The following ETFDH variants were observed in gnomAD, a reference collection of about 807,000 sequenced individuals.
ETFDH encodes the protein electron transfer flavoprotein dehydrogenase, also known as electron transfer flavoprotein-ubiquinone oxidoreductase, mitochondrial.
A neutral mutation model predicts 73.2 loss-of-function variants in ETFDH; 61 were observed. That is an observed-to-expected ratio of 0.83 (90% CI 0.68 to 1.03). The LOEUF (loss-of-function observed/expected upper bound fraction) is 1.03, where lower values mean the gene tolerates loss of function less well. Among genes scored for constraint, ETFDH ranks in the 50% least tolerant of loss-of-function variants. ETFDH has a pLI of 0.00. For missense variants in ETFDH, 685 were observed against 745.0 expected (o/e 0.92, Z 0.94); for synonymous variants, 243 against 253.3 (o/e 0.96, Z 0.39).
intron 5 of ETFDH, among the ~76,000 whole-genome samples, chr4:158,687,563 ACCT>A (rs1374851958): frequency 6.6e-6 from 1 of 151,606 alleles, no homozygotes; most frequent in Non-Finnish European, 1.5e-5. Flanking sequence ...TCTGAATGGA[ACCT>A]CTTCTTACCC....
At position 158,682,332 on chromosome 4, in the gene ETFDH, A is replaced by G; in HGVS notation, c.313A>G (p.Lys105Glu). 1 of 1,614,144 alleles carries G rather than the reference A, an allele frequency of 6.2e-7. No individual in the cohort carries two copies. The highest frequency in any genetic ancestry group is 8.5e-7 in the Non-Finnish European group (1 of 1,180,006). ...GGACATCCGTGTGTGTCTAGTGGAG[A>G]AAGCTGCCCAGATAGGAGCTCATAC... ...EKDIRVCLVE[K>E]AAQIGAHTLS... is the part of the protein sequence containing the mutation. The change falls in exon 3 of 13, where the codon AAA becomes GAA. Residue 105 changes from lysine (K) to glutamate (E), a missense_variant. Transcript: ENST00000511912.
At chr4:158,672,556 G>A in intron 1 of ETFDH, 66 bp downstream of exon 1, 5 of 1,488,172 alleles carry the variant, frequency 3.4e-6, no homozygotes, top group Non-Finnish European at 3.8e-6. Flanking sequence ...GCCGGTCCTG[G>A]GGGCTGTAGG....
intron 6 of ETFDH, among the ~76,000 whole-genome samples, chr4:158,694,604 A>T (rs1048668153): frequency 6.6e-6 from 1 of 151,900 alleles, no homozygotes. Context: ...CAAAAAAAAA[A>T]AAAAATTAAA....
At chr4:158,693,563 G>T (rs1245444980) in intron 6 of ETFDH, among the ~76,000 whole-genome samples, 1 of 152,090 alleles carries the variant, frequency 6.6e-6, no homozygotes, top group African/African-American at 2.4e-5. Flanking sequence ...GTGGTGCTGG[G>T]GAAACTATAT....
Position 158,698,526 on chromosome 4 carries a change from G to T in ETFDH, c.973-461G>T, listed in dbSNP as rs547887381. ...CTTTTTCTTTATTTTTGCCCCAGTT[G>T]TACTGTAGTATAGATTATTAGTTTC... is the stretch of plus-strand genomic sequence containing the variant. On this transcript the variant is annotated intron_variant, in intron 8 of 12. Coordinates refer to ENST00000511912, the MANE Select transcript of ETFDH (RefSeq NM_004453.4). Among the ~76,000 whole-genome samples, 172 of 152,024 alleles carry T rather than the reference G, an allele frequency of 1.1e-3. 4 individuals carry two copies. In the South Asian group the frequency reaches 0.022, roughly 20 times the overall value.
rs757991494 is a variant in ETFDH at position 158,699,004 on chromosome 4, G to A, written c.990G>A (p.Gln330=). 3 of 1,607,944 alleles carry A rather than the reference G, an allele frequency of 1.9e-6. No homozygotes were observed. In the South Asian group the frequency reaches 3.3e-5, roughly 18 times the overall value. Residue 330 remains glutamine (Q), a synonymous_variant, in exon 9 of 13, where the codon CAG becomes CAA. Transcript: ENST00000511912. ...TTTTTAAGGTTGGTCTAGACTATCA[G>A]AATCCATACCTGAGTCCATTTAGAG... is the stretch of plus-strand genomic sequence containing the variant. The part of the protein sequence containing the change: ...ALGLVVGLDY[Q]NPYLSPFREF...
intron 4 of ETFDH, 63 bp downstream of exon 4, chr4:158,684,736 T>A: frequency 5.2e-6 from 5 of 955,158 alleles, no homozygotes; most frequent in Non-Finnish European, 8.6e-6. Context: ...CTACATTTCA[T>A]CTGACGAAAT....
At position 158,709,611 on chromosome 4, in the gene ETFDH, TGTAAACA is replaced by T. The variant is rs1774743033; in HGVS notation, c.*1089_*1095del. 1.5e-6 allele frequency: 1 copy of T among 666,150 alleles called. No individual in the cohort carries two copies. Among genetic ancestry groups the T allele is most frequent in the South Asian group, 2.0e-5 (1 of 50,462 alleles). The allele number at this position is 666,150 out of a possible 1,614,324, so 41.3% of individuals were successfully genotyped here. ...TGAACCCCTATCAGTACTCCTAAAC[TGTAAACA>T]GTAAGGAACTAAGGTGTCAAAAGAA... On this transcript the variant is annotated 3_prime_UTR_variant, in exon 13 of 13. Transcript: ENST00000511912.
intron 5 of ETFDH, 43 bp from the exon 6 acceptor site, chr4:158,690,305 T>C (rs969636289): frequency 1.9e-6 from 2 of 1,052,242 alleles, no homozygotes; most frequent in Non-Finnish European, 3.0e-6. Flanking sequence ...AAGATTATTA[T>C]GAATTCTAAG....
chr4:158,684,783 T>C (rs938521201), intron 4 of ETFDH, 110 bp downstream of exon 4: 14 of 754,122 alleles, frequency 1.9e-5, no homozygotes, highest in East Asian at 1.7e-4. Context: ...GACCCAGATA[T>C]TTGAAGGACT....
intron 6 of ETFDH, 117 bp downstream of exon 6, chr4:158,690,542 C>T (rs971575217): frequency 2.9e-5 from 22 of 753,234 alleles, no homozygotes; most frequent in Non-Finnish European, 5.1e-5. Context: ...AGCTGGGCTT[C>T]GTGGTATACA....
chr4:158,672,414 G>GTCCTCCTGTT lies in ETFDH; in HGVS notation c.-42_-33dup, dbSNP rs1561232997. The GTCCTCCTGTT allele has an allele frequency of 1.2e-6, 2 of 1,611,848 alleles. No individual in the cohort carries two copies. Among genetic ancestry groups the GTCCTCCTGTT allele is most frequent in the Non-Finnish European group, 1.7e-6 (2 of 1,177,956 alleles). On this transcript the variant is annotated 5_prime_UTR_variant, in exon 1 of 13. Coordinates refer to ENST00000511912, the MANE Select transcript of ETFDH (RefSeq NM_004453.4). ...CAGCGCCCGCCGCGAGCAGCGGACA[G>GTCCTCCTGTT]TCCTCCTGTTGTGTCCGACCGAGAG...
At position 158,708,515 on chromosome 4, in the gene ETFDH, C is replaced by T. The variant is rs765049360; in HGVS notation, c.1842C>T (p.Tyr614=). 1.2e-6 allele frequency: 2 copies of T among 1,613,482 alleles called. No individual in the cohort carries two copies. The highest frequency in any genetic ancestry group is 1.7e-5 in the Admixed American group (1 of 60,002). The change falls in exon 13 of 13, where the codon TAC becomes TAT. Residue 614 remains tyrosine, a synonymous_variant. Transcript: ENST00000511912. ...CTGAAGGTGGAGGAGGACCTGCTTACAATGGAATGTAAACTGCAGCTAGCC... is the reference window on the plus strand; with the variant it reads ...CTGAAGGTGGAGGAGGACCTGCTTATAATGGAATGTAAACTGCAGCTAGCC... The part of the protein sequence containing the change: ...VVPEGGGGPA[Y]NGM
intron 1 of ETFDH, among the ~76,000 whole-genome samples, chr4:158,678,237 T>A (rs1238012382): frequency 6.6e-6 from 1 of 152,212 alleles, no homozygotes; most frequent in African/African-American, 2.4e-5. Flanking sequence ...TTGCCTTTAG[T>A]TGGCAGGTCT....
intron 8 of ETFDH, 133 bp downstream of exon 8, chr4:158,697,832 A>G: frequency 1.2e-6 from 1 of 828,728 alleles, no homozygotes; most frequent in Non-Finnish European, 2.0e-6. Context: ...ATCAATATGT[A>G]AAGTGCTTAT....
rs55861035 is a variant in ETFDH at position 158,709,019 on chromosome 4, T to TTG, written c.*530_*531dup. ...GAAGTATGCCCATCCCTGAACAAGT[T>TTG]TGTGTGTGTGTGTGTGTGTGTGTGT... On this transcript the variant is annotated 3_prime_UTR_variant, in exon 13 of 13. Transcript: ENST00000511912. 0.057 allele frequency: 8,598 copies of TTG among 150,530 alleles called. 459 individuals carry two copies. The highest frequency in any genetic ancestry group is 0.15 in the African/African-American group (5,780 of 37,798). The allele number at this position is 150,530 out of a possible 1,614,324, so 9.3% of individuals were successfully genotyped here.
rs1198347315 is a variant in ETFDH at position 158,703,515 on chromosome 4, A to G, written c.1209A>G (p.Ala403=). The change falls in exon 10 of 13, where the codon GCA becomes GCG. Residue 403 remains alanine (A), a synonymous_variant. Transcript: ENST00000511912. ...CCAAGATCAAAGGTACTCACACAGC[A>G]ATGAAAAGTGGAATTTTAGCAGCAG... ...NVPKIKGTHT[A]MKSGILAAES... 6.2e-7 allele frequency: 1 copy of G among 1,609,058 alleles called. No individual in the cohort carries two copies. The highest frequency in any genetic ancestry group is 2.2e-5 in the East Asian group (1 of 44,788).
Position 158,706,854 on chromosome 4 carries a change from A to G in ETFDH, c.1690+4A>G, listed in dbSNP as rs752590057. On this transcript the variant is annotated splice_donor_region_variant and intron_variant, in intron 12 of 12. Transcript: ENST00000511912. ...GAGCAGCGATTCTGTCCTGCAGGTA[A>G]TAATTTCCATCTATTCCTAAATATT... 34 of 1,551,112 alleles carry G rather than the reference A, an allele frequency of 2.2e-5. No individual in the cohort carries two copies. Among genetic ancestry groups the G allele is most frequent in the East Asian group, 1.8e-4 (8 of 44,602 alleles).
At chr4:158,690,241 T>C (rs1774127678) in intron 5 of ETFDH, 107 bp from the exon 6 acceptor site, 2 of 717,612 alleles carry the variant, frequency 2.8e-6, no homozygotes, top group Non-Finnish European at 5.1e-6. Context: ...ATTTCTATAA[T>C]CTAGAGAAGA....
Sources: gnomAD v4.1 joint callset for allele counts (sites outside exome capture counted in the v4.1 genomes callset) on GRCh38, gnomAD v4.1.1 for gene constraint, MANE v1.5 for transcripts, NCBI Gene and HGNC (gene_info 2026-07-23, HGNC 2026-07-21) for gene names.